The following SCUBE2 variants were observed in gnomAD, a reference collection of about 807,000 sequenced individuals.
SCUBE2 encodes signal peptide, CUB and EGF-like domain-containing protein 2.
SCUBE2 carries 114 observed loss-of-function variants against 125.9 expected under a neutral mutation model. The ratio of observed to expected loss-of-function variants is 0.91; its 90% confidence interval spans 0.78 to 1.06. The LOEUF (loss-of-function observed/expected upper bound fraction) is 1.06, where lower values mean the gene tolerates loss of function less well. Among genes scored for constraint, SCUBE2 ranks in the 50% least tolerant of loss-of-function variants. The probability of loss-of-function intolerance (pLI) is 0.00; values close to 1 mark genes in which losing one functional copy is unlikely to be tolerated. For missense variants in SCUBE2, 1,255 were observed against 1,301.8 expected (o/e 0.96, Z 0.55); for synonymous variants, 459 against 492.9 (o/e 0.93, Z 0.91).
chr11:9,019,899 G>C lies in SCUBE2; in HGVS notation c.*1146C>G, dbSNP rs137902584. Reference sequence around the variant, plus strand: ...AAATGTTTAAAGATTCAATAACACTGAAAATTCAAGTTCAAGAAATGATCG... The same window carrying C: ...AAATGTTTAAAGATTCAATAACACTCAAAATTCAAGTTCAAGAAATGATCG... On this transcript the variant is annotated 3_prime_UTR_variant, in exon 23 of 23. Transcript: ENST00000649792. 1.1e-4 allele frequency among the ~76,000 whole-genome samples: 16 copies of C among 152,304 alleles called. No homozygotes were observed. Among genetic ancestry groups the C allele is most frequent in the African/African-American group, 3.1e-4 (13 of 41,558 alleles).
At position 9,019,896 on chromosome 11, in the gene SCUBE2, A is replaced by G. The variant is rs1348871006; in HGVS notation, c.*1149T>C. Among the ~76,000 whole-genome samples the G allele has an allele frequency of 9.9e-5, 15 of 152,216 alleles. No homozygotes were observed. The highest frequency in any genetic ancestry group is 2.9e-5 in the Non-Finnish European group (2 of 68,044). On this transcript the variant is annotated 3_prime_UTR_variant, in exon 23 of 23. Transcript: ENST00000649792. The stretch of plus-strand genomic sequence containing the variant: ...TTTAAATGTTTAAAGATTCAATAAC[A>G]CTGAAAATTCAAGTTCAAGAAATGA...
chr11:9,055,668 T>C, intron 10 of SCUBE2, 125 bp downstream of exon 10: 1 of 721,942 alleles, frequency 1.4e-6, no homozygotes, highest in Non-Finnish European at 2.5e-6. Context: ...CTCACCGCTA[T>C]TGCTCAGGGA....
intron 4 of SCUBE2, 143 bp downstream of exon 4, chr11:9,074,338 C>T (rs1861041844): frequency 9.2e-6 from 9 of 981,274 alleles, no homozygotes; most frequent in African/African-American, 1.6e-5. Context: ...CACGGTTACC[C>T]GGCAGTGGAG....
rs143530442 is a variant in SCUBE2, at chr11:9,084,152, A to C, written c.257-4643T>G. 4.3e-3 allele frequency among the ~76,000 whole-genome samples: 648 copies of C among 152,324 alleles called. 6 individuals carry two copies. The highest frequency in any genetic ancestry group is 0.015 in the African/African-American group (616 of 41,576). ...ATTCTAGAGCATGTTGTGGTACCAGAAAGTTAGGAAGTCCTCAAAAATGTG... is the reference window on the plus strand; with the variant it reads ...ATTCTAGAGCATGTTGTGGTACCAGCAAGTTAGGAAGTCCTCAAAAATGTG... On this transcript the variant is annotated intron_variant, in intron 2 of 22. Coordinates refer to ENST00000649792, the MANE Select transcript of SCUBE2 (RefSeq NM_001367977.2).
At chr11:9,045,995 T>G (rs940715175) in intron 16 of SCUBE2, among the ~76,000 whole-genome samples, 4 of 147,864 alleles carry the variant, frequency 2.7e-5, no homozygotes, top group Non-Finnish European at 4.5e-5. Flanking sequence ...CTGAGTGTCT[T>G]TCTTTCTTTT....
At chr11:9,024,543 T>C (rs948576074) in intron 21 of SCUBE2, 4 of 524,046 alleles carry the variant, frequency 7.6e-6, no homozygotes, top group Non-Finnish European at 1.3e-5. Context: ...ATTAAGTCTA[T>C]CCTCCAGAGC....
chr11:9,052,663 C>T, intron 13 of SCUBE2, 83 bp downstream of exon 13: 1 of 1,036,338 alleles, frequency 9.6e-7, no homozygotes, highest in Non-Finnish European at 1.4e-6. Context: ...AAAACAAAGC[C>T]AATGTCCAAG....
intron 5 of SCUBE2, among the ~76,000 whole-genome samples, chr11:9,067,887 C>T (rs911628229): frequency 3.1e-5 from 4 of 128,988 alleles, no homozygotes; most frequent in Non-Finnish European, 6.4e-5. Context: ...GCAACTGTTC[C>T]CTGAAAGACT....
chr11:9,030,542 CA>C (rs1390451403), intron 18 of SCUBE2, among the ~76,000 whole-genome samples: 2 of 152,194 alleles, frequency 1.3e-5, no homozygotes, highest in Admixed American at 6.5e-5. Context: ...CATCCCTTGT[CA>C]GCCTGTCCAA....
At chr11:9,046,013 T>C (rs904022347) in intron 16 of SCUBE2, among the ~76,000 whole-genome samples, 9 of 146,454 alleles carry the variant, frequency 6.1e-5, no homozygotes, top group Non-Finnish European at 1.2e-4. Context: ...TTTTTTTTTT[T>C]TTTTTTTTTT....
At chr11:9,026,029 G>T in intron 20 of SCUBE2, 175 bp from the exon 21 acceptor site, 1 of 635,844 alleles carries the variant, frequency 1.6e-6, no homozygotes, top group Non-Finnish European at 2.6e-6. Flanking sequence ...GATTCAGCTG[G>T]TAATTGTGGA....
rs756283307 is a variant in SCUBE2 at position 9,033,793 on chromosome 11, C to A, written c.2006G>T (p.Ser669Ile). ...GQGHAENQCV[S>I]CRAGTYYDGA... The stretch of plus-strand genomic sequence containing the variant: ...ATCATAATAGGTCCCAGCCCTGCAA[C>A]TGACTAGCCAAAAGGGAAACAACCT... Residue 669 changes from serine to isoleucine, a missense_variant, in exon 17 of 23, where the codon AGT becomes ATT. Ser to Ile is a moderately radical substitution (Grantham distance 142). Around this residue, in one of 3 missense-constraint regions of SCUBE2, gnomAD observed 515 missense variants for 515.7 expected, o/e 1.00. Coordinates refer to ENST00000649792, the MANE Select transcript of SCUBE2 (RefSeq NM_001367977.2). 3.1e-6 allele frequency: 5 copies of A among 1,613,934 alleles called. No individual in the cohort carries two copies. The East Asian group carries it at 6.7e-5, about 22-fold the overall frequency.
At chr11:9,069,292 G>A in intron 5 of SCUBE2, 78 bp downstream of exon 5, 1 of 1,574,142 alleles carries the variant, frequency 6.4e-7, no homozygotes, top group Non-Finnish European at 8.7e-7. Flanking sequence ...ATGAGGTGGT[G>A]CTTCTGAGCT....
chr11:9,022,028 TA>T, intron 21 of SCUBE2, 73 bp from the exon 22 acceptor site: 4 of 1,156,122 alleles, frequency 3.5e-6, no homozygotes, highest in Non-Finnish European at 3.9e-6. Context: ...CACTTTTTGA[TA>T]AGGTTCTGAG....
chr11:9,046,638 T>G (rs1231374941), intron 16 of SCUBE2, among the ~76,000 whole-genome samples: 1 of 152,184 alleles, frequency 6.6e-6, no homozygotes, highest in African/African-American at 2.4e-5. Context: ...CCCCACTATT[T>G]TAGTACGGAA....
intron 10 of SCUBE2, among the ~76,000 whole-genome samples, chr11:9,055,057 A>T (rs1858944331): frequency 2.0e-5 from 3 of 151,916 alleles, no homozygotes; most frequent in Admixed American, 2.0e-4. Flanking sequence ...AAAGCACAAG[A>T]CTCAGGACTG....
At chr11:9,089,534 A>G (rs1273297356) in intron 2 of SCUBE2, among the ~76,000 whole-genome samples, 173 bp downstream of exon 2, 3 of 152,154 alleles carry the variant, frequency 2.0e-5, no homozygotes, top group South Asian at 2.1e-4. Flanking sequence ...GGGAAGACCT[A>G]ATGTTTCCAG....
At chr11:9,039,609 A>C (rs1350766809) in intron 16 of SCUBE2, among the ~76,000 whole-genome samples, 1 of 152,142 alleles carries the variant, frequency 6.6e-6, no homozygotes, top group African/African-American at 2.4e-5. Context: ...AAGATGATCC[A>C]CCGGGTGGGA....
At chr11:9,051,217 T>C (rs1018523359) in intron 13 of SCUBE2, among the ~76,000 whole-genome samples, 7 of 126,798 alleles carry the variant, frequency 5.5e-5, no homozygotes, top group African/African-American at 8.7e-5. Flanking sequence ...TATCTATCTA[T>C]CTATCTATCT....
Sources: allele counts gnomAD v4.1 joint callset (sites outside exome capture counted in the v4.1 genomes callset), GRCh38; gene constraint gnomAD v4.1.1; regional missense constraint gnomAD v4.1.1; transcripts MANE v1.5; gene names NCBI Gene and HGNC (gene_info 2026-07-23, HGNC 2026-07-21).